Variants in ADGRL3 observed in about 807,000 individuals in gnomAD.
The protein encoded by ADGRL3 is adhesion G protein-coupled receptor L3, also known as calcium-independent alpha-latrotoxin receptor 3.
ADGRL3 carries 62 observed loss-of-function variants against 153.5 expected under a neutral mutation model. The ratio of observed to expected loss-of-function variants is 0.40; its 90% CI spans 0.33 to 0.50. The LOEUF is 0.50. Ranked by LOEUF, ADGRL3 falls within the 20% of genes least tolerant of loss-of-function variation. ADGRL3 has a pLI of 0.47. For missense variants in ADGRL3, 1,641 were observed against 1,859.4 expected (o/e 0.88, Z 2.16); for synonymous variants, 710 against 672.5 (o/e 1.06, Z -0.86).
intron 21 of ADGRL3, among the ~76,000 whole-genome samples, chr4:62,017,270 C>T (rs1295573668): frequency 6.6e-5 from 10 of 151,840 alleles, no homozygotes; most frequent in Admixed American, 3.3e-4. Context: ...TTTAAAAATA[C>T]ACATATTGAA....
At chr4:61,638,567 A>T (rs1284397723) in intron 5 of ADGRL3, among the ~76,000 whole-genome samples, 1 of 152,220 alleles carries the variant, frequency 6.6e-6, no homozygotes, top group African/African-American at 2.4e-5. Flanking sequence ...AGTACAGTTT[A>T]TCTTTACTAA....
intron 8 of ADGRL3, among the ~76,000 whole-genome samples, chr4:61,804,945 A>T (rs1452322583): frequency 2.8e-5 from 4 of 145,046 alleles, no homozygotes; most frequent in Non-Finnish European, 6.1e-5. Flanking sequence ...TTATTTATTT[A>T]TTTATTTTTA....
chr4:61,782,144 T>C (rs2097220644), intron 8 of ADGRL3, among the ~76,000 whole-genome samples: 1 of 152,178 alleles, frequency 6.6e-6, no homozygotes, highest in African/African-American at 2.4e-5. Context: ...TGATGAGCAC[T>C]ACAGACAGAG....
intron 1 of ADGRL3, among the ~76,000 whole-genome samples, chr4:61,331,401 GC>G (rs1187667432): frequency 6.6e-6 from 1 of 152,006 alleles, no homozygotes; most frequent in East Asian, 1.9e-4. Flanking sequence ...CTATATGATA[GC>G]CCAAAAATTA....
chr4:61,657,733 A>G (rs568281576), intron 5 of ADGRL3, among the ~76,000 whole-genome samples: 2 of 152,320 alleles, frequency 1.3e-5, no homozygotes, highest in African/African-American at 4.8e-5. Context: ...GAAACATTCA[A>G]ATTTTATAAA....
intron 6 of ADGRL3, among the ~76,000 whole-genome samples, chr4:61,686,478 A>G (rs1298626393): frequency 1.3e-5 from 2 of 152,156 alleles, no homozygotes; most frequent in Non-Finnish European, 2.9e-5. Flanking sequence ...GCACTTCATC[A>G]TTCAAATACT....
At chr4:61,278,344 A>T (rs776391584) in intron 1 of ADGRL3, among the ~76,000 whole-genome samples, 16 of 152,132 alleles carry the variant, frequency 1.1e-4, no homozygotes, top group Non-Finnish European at 2.1e-4. Flanking sequence ...TTTGAGCAAA[A>T]ATAATTAATG....
chr4:61,995,557 A>G (rs948435085), intron 19 of ADGRL3, among the ~76,000 whole-genome samples: 2 of 152,176 alleles, frequency 1.3e-5, no homozygotes, highest in Non-Finnish European at 2.9e-5. Context: ...ATTTGTTCAA[A>G]ATTTACATTA....
intron 1 of ADGRL3, among the ~76,000 whole-genome samples, chr4:61,371,176 C>A (rs972606310): frequency 6.6e-6 from 1 of 151,054 alleles, no homozygotes; most frequent in Non-Finnish European, 1.5e-5. Flanking sequence ...GGTCTTGACT[C>A]TTTATCCAAT....
chr4:61,749,615 A>C (rs1355553914), intron 8 of ADGRL3, among the ~76,000 whole-genome samples: 1 of 152,136 alleles, frequency 6.6e-6, no homozygotes, highest in Non-Finnish European at 1.5e-5. Context: ...AAGAACAAAA[A>C]ACCAAACACT....
At chr4:61,773,115 G>A (rs916000830) in intron 8 of ADGRL3, among the ~76,000 whole-genome samples, 1 of 152,074 alleles carries the variant, frequency 6.6e-6, no homozygotes, top group Non-Finnish European at 1.5e-5. Flanking sequence ...AAAAGGTTAC[G>A]GGGTAGAATA....
intron 1 of ADGRL3, among the ~76,000 whole-genome samples, chr4:61,240,324 G>A (rs1453057106): frequency 2.6e-5 from 4 of 152,098 alleles, no homozygotes; most frequent in South Asian, 2.1e-4. Context: ...TCCCCTTCTC[G>A]TAATACTGTC....
intron 1 of ADGRL3, among the ~76,000 whole-genome samples, chr4:61,306,562 C>T (rs1022466182): frequency 7.9e-5 from 12 of 152,022 alleles, no homozygotes; most frequent in South Asian, 4.1e-4. Context: ...TTTTGCTTTT[C>T]GATATTTATT....
At chr4:61,459,895 G>T (rs561537931) in intron 2 of ADGRL3, among the ~76,000 whole-genome samples, 11 of 152,064 alleles carry the variant, frequency 7.2e-5, no homozygotes, top group Non-Finnish European at 1.2e-4. Context: ...TGCTGTCTTT[G>T]CCTATTCAGA....
At chr4:61,302,207 T>G (rs1469355570) in intron 1 of ADGRL3, among the ~76,000 whole-genome samples, 1 of 152,050 alleles carries the variant, frequency 6.6e-6, no homozygotes, top group African/African-American at 2.4e-5. Context: ...GCCTTTGATT[T>G]TATTGAAAGG....
chr4:61,715,763 A>G (rs2096097177), intron 6 of ADGRL3, among the ~76,000 whole-genome samples: 2 of 152,060 alleles, frequency 1.3e-5, no homozygotes, highest in African/African-American at 4.8e-5. Flanking sequence ...AACTAAGGAC[A>G]AAGTTGTCAC....
intron 1 of ADGRL3, among the ~76,000 whole-genome samples, chr4:61,225,961 T>C (rs1190556335): frequency 2.0e-5 from 3 of 152,194 alleles, no homozygotes; most frequent in African/African-American, 4.8e-5. Context: ...TCTTGTTCTC[T>C]GAATTCTTTT....
At chr4:61,695,235 C>G (rs767098303) in intron 6 of ADGRL3, among the ~76,000 whole-genome samples, 1 of 152,072 alleles carries the variant, frequency 6.6e-6, no homozygotes, top group East Asian at 1.9e-4. Context: ...TTTTTGGCAT[C>G]TATAGCTTTA....
At chr4:61,445,395 G>C (rs889497974) in intron 2 of ADGRL3, among the ~76,000 whole-genome samples, 4 of 152,156 alleles carry the variant, frequency 2.6e-5, no homozygotes, top group African/African-American at 9.7e-5. Flanking sequence ...TTATTTCATG[G>C]AATTAGACAA....
Sources: gnomAD v4.1 joint callset for allele counts (sites outside exome capture counted in the v4.1 genomes callset) on GRCh38, gnomAD v4.1.1 for gene constraint, MANE v1.5 for transcripts, NCBI Gene and HGNC (gene_info 2026-07-23, HGNC 2026-07-21) for gene names.